MACF1: variants seen among roughly 807,000 people sequenced by gnomAD.
MACF1 encodes the protein microtubule actin crosslinking factor 1, also known as microtubule-actin cross-linking factor 1.
Under a neutral mutation model 854.8 loss-of-function variants are expected in MACF1, and 193 were observed. The observed-to-expected ratio is 0.23, with a 90% CI of 0.20 to 0.25. MACF1 has a LOEUF of 0.25. Among genes scored for constraint, MACF1 ranks in the 10% least tolerant of loss-of-function variants. The pLI is 1.00. For synonymous variants in MACF1, 3,185 were observed against 3,226.7 expected, an observed-to-expected ratio of 0.99 and a Z score of 0.44; for missense variants, 7,722 against 8,929.1, an observed-to-expected ratio of 0.86 and a Z score of 5.45.
intron 49 of MACF1, among the ~76,000 whole-genome samples, chr1:39,362,056 T>G (rs1341560778): frequency 6.6e-6 from 1 of 152,194 alleles, no homozygotes; most frequent in Non-Finnish European, 1.5e-5. Flanking sequence ...CAAAACCACC[T>G]ATACCTTTCA....
At chr1:39,211,006 G>A (rs902630329) in intron 1 of MACF1, among the ~76,000 whole-genome samples, 11 of 141,378 alleles carry the variant, frequency 7.8e-5, no homozygotes, top group Non-Finnish European at 1.3e-4. Flanking sequence ...TTGCTTTGTC[G>A]CCCAGGCTGG....
At chr1:39,357,928 A>G (rs1647729427) in intron 45 of MACF1, 35 bp downstream of exon 45, 1 of 1,572,098 alleles carries the variant, frequency 6.4e-7, no homozygotes, top group African/African-American at 1.4e-5. Flanking sequence ...TTGGTGAAAC[A>G]ATCATGGCAG....
Position 39,283,304 on chromosome 1 carries a change from G to T in MACF1, c.808+3G>T. 1.2e-6 allele frequency: 2 copies of T among 1,607,098 alleles called. No individual in the cohort carries two copies. The highest frequency in any genetic ancestry group is 2.2e-5 in the South Asian group (2 of 90,892). On this transcript the variant is annotated splice_donor_region_variant and intron_variant, in intron 8 of 100. Transcript: ENST00000564288. This position sits in a 1 kb window ranked among gnomAD's most constrained non-coding sequence, Gnocchi z 4.5. ...CACTCGCCTGCTGGATGCAGAAGGT[G>T]AGAGGGAGTTTACTGAACTTGAGTA...
At chr1:39,109,875 A>G (rs1347869860) in intron 2 of MACF1, among the ~76,000 whole-genome samples, 1 of 152,148 alleles carries the variant, frequency 6.6e-6, no homozygotes, top group Non-Finnish European at 1.5e-5. Flanking sequence ...TAGTATCATT[A>G]TTGTTGTTAG....
At chr1:39,425,802 A>C (rs996291442) in intron 61 of MACF1, among the ~76,000 whole-genome samples, 2 of 152,100 alleles carry the variant, frequency 1.3e-5, no homozygotes, top group Non-Finnish European at 2.9e-5. Context: ...TGTACCTTGT[A>C]TTATGATCAT....
intron 2 of MACF1, among the ~76,000 whole-genome samples, chr1:39,145,038 T>G (rs1486300984): frequency 1.3e-5 from 2 of 152,222 alleles, no homozygotes; most frequent in Non-Finnish European, 2.9e-5. Context: ...CTCTTTTTTT[T>G]CTTCCACGCC....
chr1:39,426,563 GAC>G (rs1643733812), intron 61 of MACF1, among the ~76,000 whole-genome samples: 3 of 152,146 alleles, frequency 2.0e-5, no homozygotes, highest in African/African-American at 7.2e-5. Flanking sequence ...CCAATATCCA[GAC>G]TTCCTCCTCA....
At chr1:39,412,856 C>T in intron 58 of MACF1, 1 of 1,611,066 alleles carries the variant, frequency 6.2e-7, no homozygotes, top group Non-Finnish European at 8.5e-7. Context: ...GCTGCAGTGC[C>T]TGCCCCAGAG....
chr1:39,365,262 G>C (rs1648598054), intron 49 of MACF1, among the ~76,000 whole-genome samples: 1 of 151,994 alleles, frequency 6.6e-6, no homozygotes, highest in Non-Finnish European at 1.5e-5. Flanking sequence ...ATTTTTAGTA[G>C]AGATGGGGTT....
intron 94 of MACF1, chr1:39,464,614 A>C (rs560625123): frequency 1.1e-3 from 171 of 159,482 alleles, no homozygotes; most frequent in South Asian, 2.2e-3. Context: ...TAGTTTATAA[A>C]ACCACATCCC....
chr1:39,329,240 T>C (rs779372017), intron 36 of MACF1, among the ~76,000 whole-genome samples: 3 of 152,232 alleles, frequency 2.0e-5, no homozygotes, highest in Non-Finnish European at 4.4e-5. Context: ...AGTTATTCCA[T>C]TGATTGAACA....
In MACF1 at chr1:39,332,368, C is replaced by G; in HGVS notation, c.5780C>G (p.Pro1927Arg). 1 of 1,613,914 alleles carries G rather than the reference C, an allele frequency of 6.2e-7. No individual in the cohort carries two copies. Among genetic ancestry groups the G allele is most frequent in the African/African-American group, 1.3e-5 (1 of 74,950 alleles). The change falls in exon 37 of 101, where the codon CCC (proline) becomes CGC (arginine). Residue 1927 changes from proline to arginine, a missense_variant. By Grantham distance (103) the Pro-to-Arg change is moderately radical (BLOSUM62 -2). Coordinates refer to ENST00000564288, the MANE Select transcript of MACF1 (RefSeq NM_001394062.1). The stretch of plus-strand genomic sequence containing the variant: ...TCGATTTGTATACCTGATGTGATGC[C>G]CCACATGCAACTAGCAGACTCTGCA... ...LKSICIPDVMPHMQLADSAEQ... is the reference protein window; with the variant it reads ...LKSICIPDVMRHMQLADSAEQ...
At chr1:39,291,801 C>T in intron 15 of MACF1, 109 bp from the exon 16 acceptor site, 1 of 1,119,110 alleles carries the variant, frequency 8.9e-7, no homozygotes, top group Non-Finnish European at 1.2e-6. Context: ...CCTGGATGTC[C>T]TTTTGCTCAG....
intron 2 of MACF1, among the ~76,000 whole-genome samples, chr1:39,127,319 T>C (rs1642884552): frequency 6.6e-6 from 1 of 152,220 alleles, no homozygotes; most frequent in South Asian, 2.1e-4. Flanking sequence ...TGTGTAGCGT[T>C]GGTGGGAGTT....
At position 39,084,936 on chromosome 1, in the gene MACF1, A is replaced by G. The variant is rs260971; in HGVS notation, c.220+498A>G. On this transcript the variant is annotated intron_variant, in intron 2 of 93. Transcript: ENST00000361689. The surrounding 1 kb of genome is among the most constrained non-coding windows in gnomAD (Gnocchi z 5.2). Reference sequence around the variant, plus strand: ...ATGATTTGACTTCTGTTATTTCCTTATAATGAAATCCTTGGAGAGTACAGT... The same window carrying G: ...ATGATTTGACTTCTGTTATTTCCTTGTAATGAAATCCTTGGAGAGTACAGT... Among the ~76,000 whole-genome samples, 37,613 of 152,140 alleles carry G rather than the reference A, an allele frequency of 0.25. 5,385 individuals carry two copies. The highest frequency in any genetic ancestry group is 0.33 in the Non-Finnish European group (22,491 of 68,004).
chr1:39,386,825 C>T (rs965875584), intron 57 of MACF1, among the ~76,000 whole-genome samples: 1 of 152,038 alleles, frequency 6.6e-6, no homozygotes, highest in Non-Finnish European at 1.5e-5. Context: ...TCAGCCTCCC[C>T]AAGTGCTGGG....
intron 2 of MACF1, among the ~76,000 whole-genome samples, chr1:39,153,849 A>T (rs77134358): frequency 3.3e-5 from 5 of 152,170 alleles, no homozygotes; most frequent in African/African-American, 4.8e-5. Flanking sequence ...GTGTAATTCA[A>T]CGCTTCTCTC....
At chr1:39,448,214 C>A in intron 83 of MACF1, 62 bp downstream of exon 83, 1 of 1,522,560 alleles carries the variant, frequency 6.6e-7, no homozygotes, top group Non-Finnish European at 8.8e-7. Flanking sequence ...TGTATCTTGC[C>A]AAAAATAAAA....
chr1:39,087,055 T>G (rs1471692705), intron 2 of MACF1, among the ~76,000 whole-genome samples: 1 of 152,208 alleles, frequency 6.6e-6, no homozygotes, highest in Non-Finnish European at 1.5e-5. Flanking sequence ...TAGAATGCTG[T>G]GGGGGCTCCA....
Sources: allele counts gnomAD v4.1 joint callset (sites outside exome capture counted in the v4.1 genomes callset), GRCh38; gene constraint gnomAD v4.1.1; non-coding constraint Gnocchi (gnomAD v3.1); transcripts MANE v1.5; gene names NCBI Gene and HGNC (gene_info 2026-07-23, HGNC 2026-07-21).